Variants in COL23A1 observed in about 807,000 individuals in gnomAD.
COL23A1 encodes collagen type XXIII alpha 1 chain.
COL23A1 carries 97 observed loss-of-function variants against 99.3 expected under a neutral mutation model. The ratio of observed to expected loss-of-function variants is 0.98; its 90% CI spans 0.83 to 1.16. The LOEUF (loss-of-function observed/expected upper bound fraction) is 1.16, where lower values mean the gene tolerates loss of function less well. Ranked by LOEUF, COL23A1 falls within the 50% of genes most tolerant of loss-of-function variation. The probability of loss-of-function intolerance (pLI) is 0.00; values close to 1 mark genes in which losing one functional copy is unlikely to be tolerated. For missense variants in COL23A1, 762 were observed against 757.4 expected, an observed-to-expected ratio of 1.01 and a Z score of -0.07; for synonymous variants, 320 against 308.2, an observed-to-expected ratio of 1.04 and a Z score of -0.40.
At chr5:178,424,305 C>G (rs140479375) in intron 2 of COL23A1, among the ~76,000 whole-genome samples, 1 of 152,270 alleles carries the variant, frequency 6.6e-6, no homozygotes, top group African/African-American at 2.4e-5. Context: ...AAAACATCTT[C>G]GCCGCATTGG....
intron 2 of COL23A1, among the ~76,000 whole-genome samples, chr5:178,350,515 C>T (rs1050697754): frequency 3.3e-5 from 5 of 152,154 alleles, no homozygotes; most frequent in African/African-American, 1.2e-4. Context: ...CAGGACTCTG[C>T]AATGTGGGGA....
At chr5:178,314,038 G>A (rs1251505432) in intron 2 of COL23A1, among the ~76,000 whole-genome samples, 1 of 152,106 alleles carries the variant, frequency 6.6e-6, no homozygotes. Context: ...GAGTGAAGGA[G>A]TAGGTGTGTC....
chr5:178,358,383 ATG>A (rs1049741036), intron 2 of COL23A1, among the ~76,000 whole-genome samples: 4 of 125,858 alleles, frequency 3.2e-5, no homozygotes, highest in African/African-American at 8.9e-5. Flanking sequence ...TGTATGTCTA[ATG>A]TGTGTATGTG....
chr5:178,252,655 AC>A, intron 16 of COL23A1, 58 bp from the exon 17 acceptor site: 1 of 1,442,694 alleles, frequency 6.9e-7, no homozygotes, highest in Non-Finnish European at 9.5e-7. Flanking sequence ...TCCCTTCGCT[AC>A]CCATCCAGCT....
intron 2 of COL23A1, among the ~76,000 whole-genome samples, chr5:178,347,890 AAAAAAAACC>A (rs749894059): frequency 7.5e-5 from 11 of 146,518 alleles, no homozygotes; most frequent in South Asian, 6.4e-4. Context: ...AAAAAAAAAA[AAAAAAAACC>A]CAAAAAAACA....
chr5:178,479,355 C>T (rs568823718), intron 2 of COL23A1, among the ~76,000 whole-genome samples: 4 of 152,270 alleles, frequency 2.6e-5, no homozygotes, highest in African/African-American at 9.6e-5. Flanking sequence ...ACCACAGCAA[C>T]GAAAAAAACC....
intron 3 of COL23A1, among the ~76,000 whole-genome samples, chr5:178,299,907 C>T (rs554316267): frequency 6.6e-6 from 1 of 150,972 alleles, no homozygotes. Context: ...GCGCCCACCA[C>T]CACACCCAGC....
chr5:178,561,934 A>G, intron 1 of COL23A1: 1 of 359,604 alleles, frequency 2.8e-6, no homozygotes, highest in Non-Finnish European at 5.6e-6. Flanking sequence ...GGCGCTTCAC[A>G]GTTCCACTCC....
intron 2 of COL23A1, among the ~76,000 whole-genome samples, chr5:178,496,158 G>A (rs1758188514): frequency 6.6e-6 from 1 of 152,196 alleles, no homozygotes; most frequent in Admixed American, 6.5e-5. Flanking sequence ...TCCATAATAT[G>A]AGGGATTAAA....
At chr5:178,524,060 C>T (rs1190306161) in intron 2 of COL23A1, among the ~76,000 whole-genome samples, 2 of 152,212 alleles carry the variant, frequency 1.3e-5, no homozygotes, top group Admixed American at 1.3e-4. Context: ...TCTGGTGTAT[C>T]AGCCAGGACC....
intron 2 of COL23A1, among the ~76,000 whole-genome samples, chr5:178,425,624 G>C (rs73803094): frequency 0.013 from 1,971 of 152,166 alleles, 40 homozygotes; most frequent in African/African-American, 0.045. Flanking sequence ...GCCAACACAC[G>C]TCTGGCATTC....
At chr5:178,461,024 C>G (rs1358682614) in intron 2 of COL23A1, among the ~76,000 whole-genome samples, 1 of 152,194 alleles carries the variant, frequency 6.6e-6, no homozygotes, top group African/African-American at 2.4e-5. Flanking sequence ...TTTAAGAGAG[C>G]TGCCCTCTAA....
At chr5:178,569,377 G>A (rs760527981) in intron 1 of COL23A1, among the ~76,000 whole-genome samples, 23 of 152,168 alleles carry the variant, frequency 1.5e-4, no homozygotes, top group Non-Finnish European at 2.5e-4. Context: ...CAACCAAGAC[G>A]CAATATGAGC....
intron 27 of COL23A1, among the ~76,000 whole-genome samples, 155 bp from the exon 28 acceptor site, chr5:178,239,334 G>C (rs982620742): frequency 5.3e-5 from 8 of 152,182 alleles, no homozygotes; most frequent in African/African-American, 1.9e-4. Flanking sequence ...TGCCTCCTCT[G>C]TCCACCCAGG....
At chr5:178,353,939 T>TTA (rs1554143635) in intron 2 of COL23A1, among the ~76,000 whole-genome samples, 1 of 142,602 alleles carries the variant, frequency 7.0e-6, no homozygotes, top group African/African-American at 2.6e-5. Context: ...ACCGTTGAGT[T>TTA]AAAAAAAAAA....
intron 5 of COL23A1, among the ~76,000 whole-genome samples, chr5:178,271,162 AC>A (rs1215513249): frequency 6.6e-6 from 1 of 152,082 alleles, no homozygotes; most frequent in Non-Finnish European, 1.5e-5. Flanking sequence ...CTGTCCACCT[AC>A]CACTCACTCA....
intron 1 of COL23A1, among the ~76,000 whole-genome samples, chr5:178,576,264 T>C (rs1396987075): frequency 6.6e-6 from 1 of 151,690 alleles, no homozygotes; most frequent in Non-Finnish European, 1.5e-5. Context: ...TTAGACGGAG[T>C]CTCACTCTTG....
At chr5:178,374,751 A>G (rs1212919036) in intron 2 of COL23A1, among the ~76,000 whole-genome samples, 1 of 152,120 alleles carries the variant, frequency 6.6e-6, no homozygotes, top group African/African-American at 2.4e-5. Context: ...CACGACTGGA[A>G]CCCTCATACA....
intron 2 of COL23A1, among the ~76,000 whole-genome samples, chr5:178,553,449 G>T (rs1762113573): frequency 1.3e-5 from 2 of 152,132 alleles, no homozygotes; most frequent in African/African-American, 4.8e-5. Flanking sequence ...ATTAAACTCT[G>T]GATTATTATT....
Sources: allele counts gnomAD v4.1 joint callset (sites outside exome capture counted in the v4.1 genomes callset), GRCh38; gene constraint gnomAD v4.1.1; transcripts MANE v1.5; gene names NCBI Gene and HGNC (gene_info 2026-07-23, HGNC 2026-07-21).